YY1: variants seen among roughly 807,000 people sequenced by gnomAD.
YY1 encodes YY1 transcription factor, also known as transcriptional repressor protein YY1.
In YY1, 2 loss-of-function variants were observed where a neutral mutation model predicts 35.6. The ratio of observed to expected loss-of-function variants is 0.06; its 90% confidence interval spans 0.02 to 0.18. The LOEUF (loss-of-function observed/expected upper bound fraction) is 0.18. Among genes scored for constraint, YY1 ranks in the 10% least tolerant of loss-of-function variants. The probability of loss-of-function intolerance (pLI) is 1.00; values close to 1 mark genes in which losing one functional copy is unlikely to be tolerated. For synonymous variants in YY1, 268 were observed against 238.9 expected (o/e 1.12, Z -1.12); for missense variants, 322 against 573.4 (o/e 0.56, Z 4.48).
At position 100,239,313 on chromosome 14, in the gene YY1, G is replaced by A. The variant is rs1566765489; in HGVS notation, c.69G>A (p.Leu23=). ...AGATGCCGGCCGAGATCGTGGAGCT[G>A]CACGAGATCGAGGTGGAGACCATCC... ...GSEMPAEIVE[L]HEIEVETIPV... The change falls in exon 1 of 5, where the codon CTG becomes CTA. Residue 23 remains leucine (L), a synonymous_variant. Coordinates refer to ENST00000262238, the MANE Select transcript of YY1 (RefSeq NM_003403.5). 1 of 1,603,696 alleles carries A rather than the reference G, an allele frequency of 6.2e-7. No homozygotes were observed. Among genetic ancestry groups the A allele is most frequent in the South Asian group, 1.1e-5 (1 of 89,668 alleles).
At chr14:100,248,528 G>A (rs1890870825) in intron 1 of YY1, among the ~76,000 whole-genome samples, 1 of 152,066 alleles carries the variant, frequency 6.6e-6, no homozygotes, top group Non-Finnish European at 1.5e-5. Context: ...TTTTTGCTAT[G>A]TTGTTGAAAC....
intron 2 of YY1, among the ~76,000 whole-genome samples, chr14:100,263,171 A>T (rs934081463): frequency 5.9e-5 from 9 of 152,230 alleles, no homozygotes; most frequent in Admixed American, 3.9e-4. Flanking sequence ...TTGGCCTCCC[A>T]AAGTGCTAGG....
chr14:100,240,254 G>T lies in YY1; in HGVS notation c.679+331G>T, dbSNP rs1279935025. 3.3e-4 allele frequency among the ~76,000 whole-genome samples: 35 copies of T among 106,668 alleles called. No homozygotes were observed. In the East Asian group the frequency reaches 7.3e-3, roughly 22 times the overall value. The allele number at this position is 106,668 out of a possible 152,430, so 70.0% of individuals were successfully genotyped here. On this transcript the variant is annotated intron_variant, in intron 1 of 4. Coordinates refer to ENST00000262238, the MANE Select transcript of YY1 (RefSeq NM_003403.5). ...CCCGACGCCCTCGCTCCCCGCGCCC[G>T]CATCAACGGGCGCGCCCGCCGGCCC... is the stretch of plus-strand genomic sequence containing the variant.
At chr14:100,263,174 G>A (rs928476707) in intron 2 of YY1, among the ~76,000 whole-genome samples, 3 of 152,198 alleles carry the variant, frequency 2.0e-5, no homozygotes, top group African/African-American at 7.2e-5. Context: ...GCCTCCCAAA[G>A]TGCTAGGATA....
Position 100,244,807 on chromosome 14 carries a change from C to T in YY1, c.679+4884C>T, listed in dbSNP as rs557521982. 8.7e-4 allele frequency among the ~76,000 whole-genome samples: 133 copies of T among 152,232 alleles called. 1 individual carries two copies. Among genetic ancestry groups the T allele is most frequent in the Middle Eastern group, 6.8e-3 (2 of 294 alleles). On this transcript the variant is annotated intron_variant, in intron 1 of 4. Transcript: ENST00000262238. ...AAACTCCTGGGCTCCAGCAATCCTT[C>T]CTCAGCCTTCCAGAGTGATGGGATT...
chr14:100,272,072 G>A (rs535089901), intron 2 of YY1, among the ~76,000 whole-genome samples: 28 of 151,962 alleles, frequency 1.8e-4, no homozygotes, highest in African/African-American at 6.0e-4. Flanking sequence ...GTGGGTGGGC[G>A]GATCACGAGG....
chr14:100,239,941 GC>G lies in YY1; in HGVS notation c.679+22del. Reference sequence around the variant, plus strand: ...GTCCTCAGGTGAGCGCCGGCCGCGCGCCCCGGCCCCGGGATGTTTTTGTTTT... The same window carrying G: ...GTCCTCAGGTGAGCGCCGGCCGCGCGCCCGGCCCCGGGATGTTTTTGTTTT... On this transcript the variant is annotated intron_variant, in intron 1 of 4. Transcript: ENST00000262238. The G allele has an allele frequency of 1.3e-6, 2 of 1,513,958 alleles. No individual in the cohort carries two copies. The allele number at this position is 1,513,958 out of a possible 1,614,324, so 93.8% of individuals were successfully genotyped here.
chr14:100,240,777 C>G (rs952255083), intron 1 of YY1, among the ~76,000 whole-genome samples: 1 of 152,134 alleles, frequency 6.6e-6, no homozygotes, highest in East Asian at 1.9e-4. Flanking sequence ...AATTCTTAGT[C>G]ACTTACGTTT....
chr14:100,251,059 A>T (rs1595317422), intron 1 of YY1, among the ~76,000 whole-genome samples: 2 of 151,968 alleles, frequency 1.3e-5, no homozygotes, highest in African/African-American at 4.8e-5. Flanking sequence ...ATATTGACTA[A>T]CTGGTTGACT....
At chr14:100,244,624 CCAGGCTAGAGTG>C in intron 1 of YY1, among the ~76,000 whole-genome samples, 1 of 151,178 alleles carries the variant, frequency 6.6e-6, no homozygotes, top group Middle Eastern at 3.4e-3. Context: ...ATTCTGTCAC[CCAGGCTAGAGTG>C]CAGTGAGACA....
At position 100,282,749 on chromosome 14, in the gene YY1, T is replaced by C. The variant is rs929037728; in HGVS notation, c.*5149T>C. 1 of 152,268 alleles carries C rather than the reference T, an allele frequency of 6.6e-6. No individual in the cohort carries two copies. Among genetic ancestry groups the C allele is most frequent in the African/African-American group, 2.4e-5 (1 of 41,472 alleles). 9.4% of individuals were successfully genotyped at this position (152,268 alleles called of 1,614,324 possible). ...TTTGAAGCACCAAGCATGTGTAATA[T>C]GGCTCTATACAATATAATAAATGCA... On this transcript the variant is annotated 3_prime_UTR_variant, in exon 5 of 5. Coordinates refer to ENST00000262238, the MANE Select transcript of YY1 (RefSeq NM_003403.5).
chr14:100,240,442 G>A (rs1289508310), intron 1 of YY1, among the ~76,000 whole-genome samples: 1 of 151,854 alleles, frequency 6.6e-6, no homozygotes, highest in Non-Finnish European at 1.5e-5. Flanking sequence ...GGGCGCCGCG[G>A]GCGCTTGCCC....
Position 100,276,038 on chromosome 14 carries a change from G to A in YY1, c.904-452G>A. The A allele has an allele frequency of 4.8e-6, 1 of 209,032 alleles. No individual in the cohort carries two copies. The highest frequency in any genetic ancestry group is 9.8e-6 in the Non-Finnish European group (1 of 102,184). The allele number at this position is 209,032 out of a possible 1,614,324, so 12.9% of individuals were successfully genotyped here. A position where few individuals can be genotyped will look rare whatever the true frequency, so the allele number is the denominator to read the frequency against. ...GAACAGTAGGCGATGGAGAATGACA[G>A]TCCATTGTTGCAGCACAGAATATGG... On this transcript the variant is annotated intron_variant, in intron 3 of 4. Transcript: ENST00000262238. The surrounding 1 kb of genome is among the most constrained non-coding windows in gnomAD (Gnocchi z 4.1).
At position 100,239,532 on chromosome 14, in the gene YY1, G is replaced by A; in HGVS notation, c.288G>A (p.Gln96=). ...LQPLVTDDPT[Q]VHHHQEVILV... Reference sequence around the variant, plus strand: ...CGCTGGTCACCGACGACCCGACCCAGGTGCACCACCACCAGGAGGTGATCC... The same window carrying A: ...CGCTGGTCACCGACGACCCGACCCAAGTGCACCACCACCAGGAGGTGATCC... Residue 96 remains glutamine (Q), a synonymous_variant, in exon 1 of 5, where the codon CAG becomes CAA. Transcript: ENST00000262238. 1 of 1,612,246 alleles carries A rather than the reference G, an allele frequency of 6.2e-7. No homozygotes were observed. The highest frequency in any genetic ancestry group is 8.5e-7 in the Non-Finnish European group (1 of 1,179,654).
chr14:100,276,714 G>A lies in YY1; in HGVS notation c.1062+66G>A, dbSNP rs1183105972. ...TCTGAACACTGCAAGTGTAGGTGGT[G>A]TGGTGATGAGGCAGGAGGCGCCAGC... On this transcript the variant is annotated intron_variant, in intron 4 of 4. Coordinates refer to ENST00000262238, the MANE Select transcript of YY1 (RefSeq NM_003403.5). The surrounding 1 kb of genome is among the most constrained non-coding windows in gnomAD (Gnocchi z 4.1). 2 of 1,610,770 alleles carry A rather than the reference G, an allele frequency of 1.2e-6. No homozygotes were observed. Among genetic ancestry groups the A allele is most frequent in the East Asian group, 4.5e-5 (2 of 44,870 alleles).
At chr14:100,268,786 A>G (rs1489785320) in intron 2 of YY1, among the ~76,000 whole-genome samples, 3 of 152,352 alleles carry the variant, frequency 2.0e-5, no homozygotes, top group East Asian at 3.9e-4. Flanking sequence ...TTCTGTCCCA[A>G]TAGCACAGAT....
chr14:100,267,957 T>C (rs1442974156), intron 2 of YY1, among the ~76,000 whole-genome samples: 3 of 152,350 alleles, frequency 2.0e-5, no homozygotes, highest in Admixed American at 6.5e-5. Context: ...TGTGTAACAG[T>C]TGAGTGGGAT....
intron 1 of YY1, among the ~76,000 whole-genome samples, chr14:100,249,669 G>T (rs1890891162): frequency 6.6e-6 from 1 of 151,712 alleles, no homozygotes; most frequent in African/African-American, 2.4e-5. Context: ...TAGAGAGAAG[G>T]TGCAGAAGGT....
Position 100,276,673 on chromosome 14 carries a change from C to T in YY1, c.1062+25C>T. On this transcript the variant is annotated intron_variant, in intron 4 of 4. Coordinates refer to ENST00000262238, the MANE Select transcript of YY1 (RefSeq NM_003403.5). The surrounding 1 kb of genome is among the most constrained non-coding windows in gnomAD (Gnocchi z 4.1). ...GGTAGAGCCAGTTCCCTCTCTTCCC[C>T]ACACTGCCTTGCCTGTCTGAACACT... 6.2e-7 allele frequency: 1 copy of T among 1,614,014 alleles called. No individual in the cohort carries two copies. Among genetic ancestry groups the T allele is most frequent in the Non-Finnish European group, 8.5e-7 (1 of 1,179,996 alleles).
Sources: gnomAD v4.1 joint callset for allele counts (sites outside exome capture counted in the v4.1 genomes callset) on GRCh38, gnomAD v4.1.1 for gene constraint, Gnocchi (gnomAD v3.1) non-coding constraint, MANE v1.5 for transcripts, NCBI Gene and HGNC (gene_info 2026-07-23, HGNC 2026-07-21) for gene names.